The following DNAH9 variants were observed in gnomAD, a reference collection of about 807,000 sequenced individuals.
DNAH9 encodes DNAH9 variant protein.
In DNAH9, 345 loss-of-function variants were observed where a neutral mutation model predicts 471.6. The ratio of observed to expected loss-of-function variants is 0.73; its 90% CI spans 0.67 to 0.80. The LOEUF (loss-of-function observed/expected upper bound fraction) is 0.80, where lower values mean the gene tolerates loss of function less well. Among genes scored for constraint, DNAH9 ranks in the 30% least tolerant of loss-of-function variants. DNAH9 has a pLI of 0.00. For missense variants in DNAH9, 5,407 were observed against 5,609.2 expected (o/e 0.96, Z 1.15); for synonymous variants, 2,093 against 2,123.6 (o/e 0.99, Z 0.40).
rs199964798 is a variant in DNAH9 at position 11,632,630 on chromosome 17, A to T, written c.1562A>T (p.Asp521Val). 3.4e-5 allele frequency: 54 copies of T among 1,610,424 alleles called. No homozygotes were observed. In the Admixed American group the frequency reaches 4.8e-4, roughly 14 times the overall value. The change falls in exon 8 of 69, where the codon GAT becomes GTT. Residue 521 changes from aspartate to valine, a missense_variant. Asp to Val is a radical substitution (Grantham distance 152, BLOSUM62 -3). Around this residue, in one of 3 missense-constraint regions of DNAH9, gnomAD observed 767 missense variants for 692.5 expected, o/e 1.11. Coordinates refer to ENST00000262442, the MANE Select transcript of DNAH9 (RefSeq NM_001372.4). ...DVSEFNQKVEDLDRRLGTIFI... is the reference protein window; with the variant it reads ...DVSEFNQKVEVLDRRLGTIFI... ...TCTGAATTTAACCAGAAAGTAGAAG[A>T]TCTTGACCGAAGATTGGGGACTATC...
At chr17:11,673,796 G>A (rs1260827670) in intron 17 of DNAH9, among the ~76,000 whole-genome samples, 1 of 151,876 alleles carries the variant, frequency 6.6e-6, no homozygotes, top group African/African-American at 2.4e-5. Context: ...TGTTACTAGG[G>A]TCCTAAATGT....
At chr17:11,751,371 A>G (rs905742786) in intron 32 of DNAH9, among the ~76,000 whole-genome samples, 1 of 152,054 alleles carries the variant, frequency 6.6e-6, no homozygotes, top group Non-Finnish European at 1.5e-5. Context: ...AAATATCAGT[A>G]AGGAGAATCA....
chr17:11,855,204 G>A (rs8064424), intron 50 of DNAH9, among the ~76,000 whole-genome samples: 64,655 of 151,892 alleles, frequency 0.43, 14,035 homozygotes, highest in Admixed American at 0.54. Context: ...GCCCAGCCCA[G>A]AATCCAGCTT....
At chr17:11,777,480 G>A (rs886381785) in intron 38 of DNAH9, among the ~76,000 whole-genome samples, 4 of 152,178 alleles carry the variant, frequency 2.6e-5, no homozygotes, top group Non-Finnish European at 5.9e-5. Flanking sequence ...TGGTTTAGAA[G>A]CAGGATAGTT....
chr17:11,698,909 T>G (rs2074540751), intron 22 of DNAH9, among the ~76,000 whole-genome samples: 4 of 152,046 alleles, frequency 2.6e-5, no homozygotes, highest in African/African-American at 9.7e-5. Context: ...CCTGCACTGC[T>G]TGGAACCCTT....
rs142764502 is a variant in DNAH9, at chr17:11,822,037, T to C, written c.8825T>C (p.Ile2942Thr). ...AGAGAGAACTGTTGGAAGTTCTTTA[T>C]AGATCGGATCCGGCGACAGCTGAAG... ...DNRENCWKFF[I>T]DRIRRQLKVT... is the part of the protein sequence containing the mutation. The change falls in exon 46 of 69, where the codon ATA becomes ACA. Residue 2942 changes from isoleucine (I) to threonine (T), a missense_variant. This residue lies in a region of DNAH9 where 4,636 missense variants were observed against 4,900.3 expected (regional missense o/e 0.95). Coordinates refer to ENST00000262442, the MANE Select transcript of DNAH9 (RefSeq NM_001372.4). 6.8e-6 allele frequency: 11 copies of C among 1,613,782 alleles called. No homozygotes were observed. In the African/African-American group the frequency reaches 1.2e-4, roughly 18 times the overall value.
In DNAH9 at chr17:11,933,000, C is replaced by G. The variant is rs973024598; in HGVS notation, c.12297+795C>G. ...CCTCTTCCTCGTGGGGAAAACGAAC[C>G]AGGCCCAGATGCCCTGAGAAATCCT... On this transcript the variant is annotated intron_variant, in intron 64 of 68. Coordinates refer to ENST00000262442, the MANE Select transcript of DNAH9 (RefSeq NM_001372.4). The surrounding 1 kb of genome is among the most constrained non-coding windows in gnomAD (Gnocchi z 4.3). Among the ~76,000 whole-genome samples, 2 of 152,232 alleles carry G rather than the reference C, an allele frequency of 1.3e-5. No homozygotes were observed. Among genetic ancestry groups the G allele is most frequent in the Non-Finnish European group, 2.9e-5 (2 of 68,040 alleles).
intron 49 of DNAH9, among the ~76,000 whole-genome samples, chr17:11,851,928 T>C (rs1971435873): frequency 6.6e-6 from 1 of 152,256 alleles, no homozygotes; most frequent in Admixed American, 6.5e-5. Context: ...TTCATCTCTG[T>C]ACATTGCTTA....
At chr17:11,617,677 G>A (rs2072774832) in intron 5 of DNAH9, 55 bp downstream of exon 5, 25 of 1,304,246 alleles carry the variant, frequency 1.9e-5, no homozygotes, top group Non-Finnish European at 2.8e-5. Flanking sequence ...TTGGCATCTA[G>A]TCACAGGAGA....
chr17:11,783,752 C>T lies in DNAH9; in HGVS notation c.7821+4C>T, dbSNP rs763754429. On this transcript the variant is annotated splice_donor_region_variant and intron_variant, in intron 40 of 68. Coordinates refer to ENST00000262442, the MANE Select transcript of DNAH9 (RefSeq NM_001372.4). ...CACCATCAACCCCCGGCTTCAGGTACAGGAGGAGCCATGGGACCTGGGTCC... is the reference window on the plus strand; with the variant it reads ...CACCATCAACCCCCGGCTTCAGGTATAGGAGGAGCCATGGGACCTGGGTCC... 1 of 1,612,612 alleles carries T rather than the reference C, an allele frequency of 6.2e-7. No individual in the cohort carries two copies. The highest frequency in any genetic ancestry group is 8.5e-7 in the Non-Finnish European group (1 of 1,178,768).
At chr17:11,930,765 C>CAAAAAAGAAAAAAA (rs1974481276) in intron 63 of DNAH9, among the ~76,000 whole-genome samples, 1 of 125,218 alleles carries the variant, frequency 8.0e-6, no homozygotes, top group Admixed American at 8.5e-5. Flanking sequence ...ACTCCATCTC[C>CAAAAAAGAAAAAAA]AAAAAAAAAA....
chr17:11,664,632 A>G (rs2150720832), intron 14 of DNAH9, among the ~76,000 whole-genome samples: 1 of 152,274 alleles, frequency 6.6e-6, no homozygotes. Flanking sequence ...TGTCCCCTAT[A>G]TTACCGTCAT....
chr17:11,936,043 T>A (rs1974703414), intron 65 of DNAH9, among the ~76,000 whole-genome samples: 1 of 152,180 alleles, frequency 6.6e-6, no homozygotes, highest in Non-Finnish European at 1.5e-5. Flanking sequence ...GTTTTTCTTA[T>A]TCAGCAAGGG....
intron 28 of DNAH9, among the ~76,000 whole-genome samples, chr17:11,737,969 TC>T (rs2150830163): frequency 6.6e-6 from 1 of 152,306 alleles, no homozygotes; most frequent in Admixed American, 6.5e-5. Context: ...GCTATGTACT[TC>T]ACAGACTTTA....
chr17:11,953,587 G>A (rs760780598), intron 67 of DNAH9, among the ~76,000 whole-genome samples: 48 of 152,058 alleles, frequency 3.2e-4, no homozygotes, highest in Non-Finnish European at 5.4e-4. Context: ...TGAGGCGGGC[G>A]GATCACGAGG....
chr17:11,720,318 A>G (rs2075032991), intron 27 of DNAH9, among the ~76,000 whole-genome samples: 1 of 151,748 alleles, frequency 6.6e-6, no homozygotes, highest in African/African-American at 2.4e-5. Flanking sequence ...TTACATATGT[A>G]TACATGTGCC....
At chr17:11,938,289 C>G (rs2151042600) in intron 66 of DNAH9, among the ~76,000 whole-genome samples, 1 of 152,172 alleles carries the variant, frequency 6.6e-6, no homozygotes, top group Middle Eastern at 3.4e-3. Flanking sequence ...GAAACCCCAT[C>G]TCTACTAAAA....
In DNAH9 at chr17:11,598,728, G is replaced by A. The variant is rs1257843250; in HGVS notation, c.230G>A (p.Gly77Glu). The A allele has an allele frequency of 3.6e-6, 5 of 1,393,016 alleles. No homozygotes were observed. Among genetic ancestry groups the A allele is most frequent in the Non-Finnish European group, 4.6e-6 (5 of 1,081,326 alleles). 86.3% of individuals were successfully genotyped at this position (1,393,016 alleles called of 1,614,324 possible). A position where few individuals can be genotyped will look rare whatever the true frequency, so the allele number is the denominator to read the frequency against. Residue 77 changes from glycine (G) to glutamate (E), a missense_variant, in exon 1 of 69, where the codon GGG becomes GAG. This residue lies in a region of DNAH9 where 767 missense variants were observed against 692.5 expected (regional missense o/e 1.11). Coordinates refer to ENST00000262442, the MANE Select transcript of DNAH9 (RefSeq NM_001372.4). ...GPRPLLVVRPGPRGLAIRPGL... is the reference protein window; with the variant it reads ...GPRPLLVVRPEPRGLAIRPGL... Reference sequence around the variant, plus strand: ...CGGCCGCTGCTGGTGGTGCGGCCCGGGCCCAGGGGCCTGGCAATACGCCCC... The same window carrying A: ...CGGCCGCTGCTGGTGGTGCGGCCCGAGCCCAGGGGCCTGGCAATACGCCCC...
At chr17:11,749,330 C>T (rs1192707006) in intron 32 of DNAH9, among the ~76,000 whole-genome samples, 10 of 152,022 alleles carry the variant, frequency 6.6e-5, no homozygotes, top group East Asian at 1.9e-4. Context: ...ATGATCCTCC[C>T]GCCTCAGCCT....
Sources: gnomAD v4.1 joint callset for allele counts (sites outside exome capture counted in the v4.1 genomes callset) on GRCh38, gnomAD v4.1.1 for gene constraint, gnomAD v4.1.1 regional missense constraint, Gnocchi (gnomAD v3.1) non-coding constraint, MANE v1.5 for transcripts, NCBI Gene and HGNC (gene_info 2026-07-23, HGNC 2026-07-21) for gene names.